Variants in ASPRV1 observed in about 807,000 individuals in gnomAD.
The protein encoded by ASPRV1 is aspartic peptidase retroviral like 1.
ASPRV1 carries 7 observed loss-of-function variants against 11.0 expected under a neutral mutation model. That is an observed-to-expected ratio of 0.64 (90% confidence interval 0.36 to 1.20). ASPRV1 has a LOEUF of 1.20. ASPRV1 is among the 50% of genes most tolerant of loss of function. ASPRV1 has a pLI of 0.02. For missense variants in ASPRV1, 299 were observed against 320.0 expected (o/e 0.93, Z 0.50); for synonymous variants, 136 against 138.4 (o/e 0.98, Z 0.12).
chr2:70,000,318 CAAA>C, the ASPRV1 span, among the ~76,000 whole-genome samples: 3 of 77,058 alleles, frequency 3.9e-5, no homozygotes, highest in Admixed American at 3.7e-4. Flanking sequence ...CCCTCATCTC[CAAA>C]AAAAAAAAAA....
chr2:70,032,811 AGCATC>A, the ASPRV1 span, among the ~76,000 whole-genome samples: 1 of 152,112 alleles, frequency 6.6e-6, no homozygotes, highest in African/African-American at 2.4e-5. Context: ...TTTTTTAACT[AGCATC>A]CTCAGGTTCT....
At chr2:69,958,216 C>T (rs1042536776), downstream of ASPRV1, among the ~76,000 whole-genome samples, 22 of 152,176 alleles carry the variant, frequency 1.4e-4, no homozygotes, top group Non-Finnish European at 2.6e-4. Flanking sequence ...CATGCAGCAG[C>T]GGTCTCAGCC....
At chr2:70,006,493 C>T in the ASPRV1 span, among the ~76,000 whole-genome samples, 223 of 152,228 alleles carry the variant, frequency 1.5e-3, no homozygotes, top group Non-Finnish European at 2.7e-3. Flanking sequence ...ACTTAGGAGA[C>T]CAAGAGGGTA....
chr2:69,980,688 AC>A, the ASPRV1 span, among the ~76,000 whole-genome samples: 1 of 152,256 alleles, frequency 6.6e-6, no homozygotes, highest in Admixed American at 6.5e-5. Context: ...TAAGATAGGA[AC>A]GTTAGAGGAA....
chr2:70,060,606 A>G, the ASPRV1 span, among the ~76,000 whole-genome samples: 4 of 152,128 alleles, frequency 2.6e-5, no homozygotes, highest in Non-Finnish European at 5.9e-5. Context: ...TGAGGTCAGG[A>G]GTTTGAGACC....
At chr2:70,084,974 T>C in the ASPRV1 span, among the ~76,000 whole-genome samples, 1 of 152,216 alleles carries the variant, frequency 6.6e-6, no homozygotes, top group Non-Finnish European at 1.5e-5. Context: ...TTGTCTCTCA[T>C]ATCCACACAC....
chr2:69,978,284 T>C, the ASPRV1 span, among the ~76,000 whole-genome samples: 1 of 152,174 alleles, frequency 6.6e-6, no homozygotes, highest in Non-Finnish European at 1.5e-5. Flanking sequence ...GGGAGTCTCC[T>C]TGGGGAAAGT....
chr2:70,009,041 C>T, the ASPRV1 span, among the ~76,000 whole-genome samples: 5 of 152,070 alleles, frequency 3.3e-5, no homozygotes. Context: ...AGGTAATGAG[C>T]TCCATAAATG....
the ASPRV1 span, among the ~76,000 whole-genome samples, chr2:70,012,406 G>A: frequency 6.6e-6 from 1 of 151,828 alleles, no homozygotes. Context: ...CGCCCACCTC[G>A]GCCTCCCAAA....
chr2:70,040,686 T>C, the ASPRV1 span, among the ~76,000 whole-genome samples: 1 of 151,946 alleles, frequency 6.6e-6, no homozygotes, highest in Non-Finnish European at 1.5e-5. Context: ...GTACAAAAAT[T>C]AGCCGGGCGC....
At chr2:70,086,660 A>G in the ASPRV1 span, among the ~76,000 whole-genome samples, 1 of 152,220 alleles carries the variant, frequency 6.6e-6, no homozygotes, top group Non-Finnish European at 1.5e-5. Context: ...ACAGGCGTAC[A>G]CTATTGTTTC....
chr2:70,021,603 C>A, the ASPRV1 span, among the ~76,000 whole-genome samples: 3 of 152,076 alleles, frequency 2.0e-5, no homozygotes, highest in Non-Finnish European at 4.4e-5. Context: ...CAGGTGTGAG[C>A]CACCACGCCC....
At chr2:69,963,399 T>C (rs1678204375), upstream of ASPRV1, 1 of 456,592 alleles carries the variant, frequency 2.2e-6, no homozygotes, top group African/African-American at 2.0e-5. Context: ...CTTTTGCAGA[T>C]AGCTTCCCAG....
chr2:69,960,954 C>A lies in ASPRV1; in HGVS notation c.483G>T (p.Val161=). Residue 161 remains valine (V), a synonymous_variant, in exon 1 of 1, where the codon GTG becomes GTT. Transcript: ENST00000320256. ...GGATCTTCATTTCAGCACCATTGGCCACCTTTACCACATTCTCAAAGGGCT... is the reference window on the plus strand; with the variant it reads ...GGATCTTCATTTCAGCACCATTGGCAACCTTTACCACATTCTCAAAGGGCT... ...TLQPFENVVK[V]ANGAEMKILG... The A allele has an allele frequency of 1.2e-6, 2 of 1,614,100 alleles. No individual in the cohort carries two copies. The highest frequency in any genetic ancestry group is 1.1e-5 in the South Asian group (1 of 91,064).
At chr2:69,950,329 T>A in the ASPRV1 span, among the ~76,000 whole-genome samples, 2 of 152,200 alleles carry the variant, frequency 1.3e-5, no homozygotes, top group East Asian at 3.8e-4. Context: ...GCCTTTGTCC[T>A]CTTGCCTCCT....
At chr2:70,056,846 C>T in the ASPRV1 span, among the ~76,000 whole-genome samples, 10,275 of 151,412 alleles carry the variant, frequency 0.068, 1,210 homozygotes, top group African/African-American at 0.24. Flanking sequence ...GTGTTTCTCC[C>T]GTCTCAGCCT....
At position 69,961,111 on chromosome 2, in the gene ASPRV1, C is replaced by T. The variant is rs1195028958; in HGVS notation, c.326G>A (p.Gly109Asp). ...PKEIVFANSM[G>D]KGYYLKGKIG... ...CTTCCCCTTGAGATAGTAGCCCTTA[C>T]CCATGCTGTTGGCAAAGACGATCTC... is the stretch of plus-strand genomic sequence containing the variant. The change falls in exon 1 of 1, where the codon GGT (glycine) becomes GAT (aspartate). Residue 109 changes from glycine to aspartate, a missense_variant. Physicochemically the swap from Gly to Asp is moderately conservative, Grantham distance 94 (BLOSUM62 -1). Coordinates refer to ENST00000320256, the MANE Select transcript of ASPRV1 (RefSeq NM_152792.4). 2.5e-6 allele frequency: 4 copies of T among 1,613,992 alleles called. No homozygotes were observed. Among genetic ancestry groups the T allele is most frequent in the East Asian group, 4.5e-5 (2 of 44,862 alleles).
the ASPRV1 span, among the ~76,000 whole-genome samples, chr2:69,986,913 C>A: frequency 6.6e-6 from 1 of 152,198 alleles, no homozygotes; most frequent in Non-Finnish European, 1.5e-5. Flanking sequence ...CAGTACACAA[C>A]ACATACTATG....
the ASPRV1 span, among the ~76,000 whole-genome samples, chr2:70,081,948 T>TA: frequency 4.1e-4 from 60 of 146,986 alleles, 1 homozygote; most frequent in African/African-American, 1.2e-3. Context: ...AGAAACCACT[T>TA]AAAAAAAAAA....
Sources: allele counts gnomAD v4.1 joint callset (sites outside exome capture counted in the v4.1 genomes callset), GRCh38; gene constraint gnomAD v4.1.1; transcripts MANE v1.5; gene names NCBI Gene and HGNC (gene_info 2026-07-23, HGNC 2026-07-21).